The following CARD10 variants were observed in gnomAD, a reference collection of about 807,000 sequenced individuals.
The protein encoded by CARD10 is caspase recruitment domain family member 10.
CARD10 carries 49 observed loss-of-function variants against 114.6 expected under a neutral mutation model. The observed-to-expected ratio is 0.43, with a 90% CI of 0.34 to 0.54. CARD10 has a LOEUF of 0.54. CARD10 is among the 20% of genes least tolerant of loss of function. CARD10 has a pLI of 0.03. For synonymous variants in CARD10, 602 were observed against 593.2 expected, an observed-to-expected ratio of 1.01 and a Z score of -0.21; for missense variants, 1,206 against 1,397.2, an observed-to-expected ratio of 0.86 and a Z score of 2.18.
chr22:37,499,871 C>T (rs1923149163), intron 11 of CARD10, among the ~76,000 whole-genome samples: 2 of 152,054 alleles, frequency 1.3e-5, no homozygotes, highest in Admixed American at 1.3e-4. Context: ...TGCCTGCTCC[C>T]CGCTCCTGGG....
Position 37,491,023 on chromosome 22 carries a change from GT to G in CARD10, c.*135del. 1 of 698,024 alleles carries G rather than the reference GT, an allele frequency of 1.4e-6. No individual in the cohort carries two copies. The highest frequency in any genetic ancestry group is 2.4e-6 in the Non-Finnish European group (1 of 418,332). 43.2% of individuals were successfully genotyped at this position (698,024 alleles called of 1,614,324 possible). A position where few individuals can be genotyped will look rare whatever the true frequency, so the allele number is the denominator to read the frequency against. On this transcript the variant is annotated 3_prime_UTR_variant, in exon 20 of 20. Transcript: ENST00000251973. ...GGCAGGGCCAGAGACAGCCTTGGGG[GT>G]GAGAGGCCAGAGCCAAGGGCCCTGC...
At chr22:37,504,889 A>G in intron 7 of CARD10, 120 bp from the exon 8 acceptor site, 1 of 483,578 alleles carries the variant, frequency 2.1e-6, no homozygotes, top group East Asian at 3.4e-5. Context: ...CAGGGAGCTC[A>G]CAGCCTAGAA....
intron 11 of CARD10, among the ~76,000 whole-genome samples, chr22:37,498,030 G>A (rs550876328): frequency 2.6e-5 from 4 of 152,252 alleles, no homozygotes; most frequent in South Asian, 2.1e-4. Context: ...GTGACAGATG[G>A]AGGAAACAGA....
At position 37,519,281 on chromosome 22, in the gene CARD10, C is replaced by G; in HGVS notation, c.-81G>C. On this transcript the variant is annotated 5_prime_UTR_variant, in exon 1 of 20. Coordinates refer to ENST00000251973, the MANE Select transcript of CARD10 (RefSeq NM_014550.4). This position sits in a 1 kb window ranked among gnomAD's most constrained non-coding sequence, Gnocchi z 4.1. ...CTAGGGCTAGATGTGCGGCCAAGCACCCCCGGGGCGTCGTCCGCAGACCCG... is the reference window on the plus strand; with the variant it reads ...CTAGGGCTAGATGTGCGGCCAAGCAGCCCCGGGGCGTCGTCCGCAGACCCG... 1 of 1,368,084 alleles carries G rather than the reference C, an allele frequency of 7.3e-7. No homozygotes were observed. Among genetic ancestry groups the G allele is most frequent in the Non-Finnish European group, 9.4e-7 (1 of 1,064,076 alleles). 84.7% of individuals were successfully genotyped at this position (1,368,084 alleles called of 1,614,324 possible). A position where few individuals can be genotyped will look rare whatever the true frequency, so the allele number is the denominator to read the frequency against.
At chr22:37,513,819 G>A (rs1306630981) in intron 3 of CARD10, among the ~76,000 whole-genome samples, 1 of 152,158 alleles carries the variant, frequency 6.6e-6, no homozygotes, top group African/African-American at 2.4e-5. Context: ...CTTCAATCCG[G>A]CTGAACACAG....
At chr22:37,513,650 C>A (rs1018397536) in intron 3 of CARD10, among the ~76,000 whole-genome samples, 2 of 152,088 alleles carry the variant, frequency 1.3e-5, no homozygotes, top group Non-Finnish European at 1.5e-5. Flanking sequence ...GCCCTCACGC[C>A]GTCCTCTCTA....
chr22:37,504,803 A>G (rs761265695), intron 7 of CARD10, 34 bp from the exon 8 acceptor site: 1 of 1,398,490 alleles, frequency 7.2e-7, no homozygotes, highest in Non-Finnish European at 9.6e-7. Context: ...GGAGGTGAGC[A>G]GTGCTAGGCC....
intron 11 of CARD10, among the ~76,000 whole-genome samples, chr22:37,498,912 G>T (rs925819534): frequency 3.7e-5 from 5 of 134,288 alleles, no homozygotes; most frequent in South Asian, 2.9e-4. Flanking sequence ...GGGTGGGGGG[G>T]GGGGGCACAT....
chr22:37,518,925 G>A (rs968000519), intron 1 of CARD10, 41 bp downstream of exon 1: 4 of 1,485,182 alleles, frequency 2.7e-6, no homozygotes, highest in African/African-American at 1.4e-5. Context: ...CCCAGGGCAC[G>A]GCCGGCCCAG....
At chr22:37,503,259 G>A (rs1363766100) in intron 9 of CARD10, 46 bp from the exon 10 acceptor site, 1 of 1,580,538 alleles carries the variant, frequency 6.3e-7, no homozygotes, top group South Asian at 1.1e-5. Context: ...GAGGCACAGT[G>A]GGCACTCTGC....
chr22:37,494,287 A>G (rs1245641243), intron 15 of CARD10, 99 bp from the exon 16 acceptor site: 1 of 773,466 alleles, frequency 1.3e-6, no homozygotes, highest in Non-Finnish European at 2.1e-6. Flanking sequence ...CCCCACTGCC[A>G]CTGTGGTCCA....
chr22:37,495,320 C>T (rs1432590176), intron 15 of CARD10, among the ~76,000 whole-genome samples, 197 bp downstream of exon 15: 1 of 152,206 alleles, frequency 6.6e-6, no homozygotes, highest in Non-Finnish European at 1.5e-5. Context: ...CACGCTTTAC[C>T]TCATTTCATC....
At chr22:37,515,633 G>A (rs983113471) in intron 3 of CARD10, among the ~76,000 whole-genome samples, 2 of 150,814 alleles carry the variant, frequency 1.3e-5, no homozygotes, top group Admixed American at 1.3e-4. Context: ...CGGCCCTACC[G>A]ATGTTTTAGG....
intron 2 of CARD10, 69 bp downstream of exon 2, chr22:37,517,902 A>C: frequency 1.3e-6 from 2 of 1,568,712 alleles, no homozygotes; most frequent in Non-Finnish European, 1.7e-6. Context: ...GCGCCTCCCT[A>C]ACAGGGATGG....
At chr22:37,493,240 C>T (rs1164748286) in intron 16 of CARD10, among the ~76,000 whole-genome samples, 1 of 152,202 alleles carries the variant, frequency 6.6e-6, no homozygotes, top group South Asian at 2.1e-4. Context: ...CCTTTGCATG[C>T]CCTGGGGCTG....
At position 37,495,887 on chromosome 22, in the gene CARD10, C is replaced by T. The variant is rs775615805; in HGVS notation, c.2176G>A (p.Val726Met). 13 of 1,614,158 alleles carry T rather than the reference C, an allele frequency of 8.1e-6. No homozygotes were observed. The highest frequency in any genetic ancestry group is 5.5e-5 in the South Asian group (5 of 91,088). The change falls in exon 14 of 20, where the codon GTG (valine) becomes ATG (methionine). Residue 726 changes from valine to methionine, a missense_variant. Around this residue, in one of 2 missense-constraint regions of CARD10, gnomAD observed 1,068 missense variants for 1,179.1 expected, o/e 0.91. Transcript: ENST00000251973. Reference sequence around the variant, plus strand: ...AGTCGAAGGATCTCTTGGGCTTTCACGCAAAGGGCATGGGGATCTGCCCTC... The same window carrying T: ...AGTCGAAGGATCTCTTGGGCTTTCATGCAAAGGGCATGGGGATCTGCCCTC... ...PERADPHALCVKAQEILRLVD... is the reference protein window; with the variant it reads ...PERADPHALCMKAQEILRLVD...
chr22:37,494,033 A>G, intron 16 of CARD10, 53 bp downstream of exon 16: 4 of 1,319,056 alleles, frequency 3.0e-6, no homozygotes, highest in Non-Finnish European at 4.3e-6. Flanking sequence ...AGCTGCACAC[A>G]TCCCTGGACA....
intron 3 of CARD10, among the ~76,000 whole-genome samples, chr22:37,512,924 G>GCCACACACCT (rs1923712063): frequency 2.0e-5 from 3 of 152,078 alleles, no homozygotes; most frequent in Admixed American, 2.0e-4. Flanking sequence ...ATAAAACAGG[G>GCCACACACCT]TATTAAATCC....
chr22:37,515,265 T>C (rs1473963676), intron 3 of CARD10, among the ~76,000 whole-genome samples: 2 of 152,184 alleles, frequency 1.3e-5, no homozygotes, highest in Non-Finnish European at 2.9e-5. Flanking sequence ...TTTGAAACTG[T>C]GTCTTAAACT....
Sources: allele counts gnomAD v4.1 joint callset (sites outside exome capture counted in the v4.1 genomes callset), GRCh38; gene constraint gnomAD v4.1.1; regional missense constraint gnomAD v4.1.1; non-coding constraint Gnocchi (gnomAD v3.1); transcripts MANE v1.5; gene names NCBI Gene and HGNC (gene_info 2026-07-23, HGNC 2026-07-21).